Variants in ALDH1A2 observed in about 807,000 individuals in gnomAD.
ALDH1A2 encodes the protein aldehyde dehydrogenase 1 family member A2.
Under a neutral mutation model 60.3 loss-of-function variants are expected in ALDH1A2, and 27 were observed. The observed-to-expected ratio is 0.45, with a 90% CI of 0.33 to 0.62. The LOEUF is 0.62. Ranked by LOEUF, ALDH1A2 falls within the 20% of genes least tolerant of loss-of-function variation. ALDH1A2 has a pLI of 0.02. For synonymous variants in ALDH1A2, 289 were observed against 232.4 expected, an observed-to-expected ratio of 1.24 and a Z score of -2.21; for missense variants, 581 against 643.8, an observed-to-expected ratio of 0.90 and a Z score of 1.06.
chr15:58,036,441 A>G (rs1406572513), intron 1 of ALDH1A2, among the ~76,000 whole-genome samples: 1 of 151,680 alleles, frequency 6.6e-6, no homozygotes, highest in East Asian at 1.9e-4. Context: ...AATAGTCTAA[A>G]GAAATGTCTA....
chr15:58,056,781 G>A (rs1317910203), intron 1 of ALDH1A2, among the ~76,000 whole-genome samples: 2 of 151,950 alleles, frequency 1.3e-5, no homozygotes, highest in Non-Finnish European at 2.9e-5. Flanking sequence ...AACATGAAAC[G>A]ATGCTCAATC....
intron 1 of ALDH1A2, among the ~76,000 whole-genome samples, chr15:58,035,658 C>T (rs919021941): frequency 1.1e-4 from 16 of 151,648 alleles, no homozygotes; most frequent in African/African-American, 3.6e-4. Context: ...TTGAGACTTA[C>T]TCTTTAACTC....
Position 58,028,492 on chromosome 15 carries a change from A to C in ALDH1A2, c.118-14211T>G, listed in dbSNP as rs570290901. ...TCCATGCTATGAAGAAACTGCATCA[A>C]TTAACGGGCAAAATAACCAACTAAC... On this transcript the variant is annotated intron_variant, in intron 1 of 12. Transcript: ENST00000249750. 2.0e-5 allele frequency among the ~76,000 whole-genome samples: 3 copies of C among 152,370 alleles called. No homozygotes were observed. The East Asian group carries it at 5.8e-4, about 29-fold the overall frequency.
chr15:58,011,200 T>C (rs1413353137), intron 3 of ALDH1A2, among the ~76,000 whole-genome samples: 4 of 152,110 alleles, frequency 2.6e-5, no homozygotes, highest in African/African-American at 9.7e-5. Flanking sequence ...ATAGAAAGTG[T>C]TCTCCACAGC....
chr15:58,060,786 A>G (rs924006030), intron 1 of ALDH1A2, among the ~76,000 whole-genome samples: 1 of 152,218 alleles, frequency 6.6e-6, no homozygotes, highest in Non-Finnish European at 1.5e-5. Context: ...GACAGTCCAC[A>G]GTTTGCTGAC....
chr15:58,030,288 C>T (rs1381265375), intron 1 of ALDH1A2, among the ~76,000 whole-genome samples: 12 of 152,130 alleles, frequency 7.9e-5, no homozygotes. Flanking sequence ...AGGACAAAAA[C>T]CACATGATTA....
chr15:58,011,593 T>G (rs1379970078), intron 3 of ALDH1A2, among the ~76,000 whole-genome samples: 2 of 152,202 alleles, frequency 1.3e-5, no homozygotes, highest in African/African-American at 4.8e-5. Flanking sequence ...TTCCTACAAG[T>G]GTATTTTATA....
At chr15:58,003,331 C>G (rs1413584009) in intron 4 of ALDH1A2, among the ~76,000 whole-genome samples, 2 of 151,844 alleles carry the variant, frequency 1.3e-5, no homozygotes, top group Admixed American at 1.3e-4. Context: ...AACAAGAATA[C>G]TTCAGATTTC....
intron 1 of ALDH1A2, among the ~76,000 whole-genome samples, chr15:58,019,019 A>G (rs1895853172): frequency 6.6e-6 from 1 of 152,190 alleles, no homozygotes; most frequent in Non-Finnish European, 1.5e-5. Context: ...TATTTTGTCA[A>G]TGTTAATTTC....
chr15:57,984,292 G>A (rs906690627), intron 7 of ALDH1A2, among the ~76,000 whole-genome samples: 1 of 152,170 alleles, frequency 6.6e-6, no homozygotes, highest in Non-Finnish European at 1.5e-5. Flanking sequence ...CAAAGTAAGT[G>A]CTAAATCAAT....
rs756058906 is a variant in ALDH1A2, at chr15:57,995,081, G to A, written c.552C>T (p.Ile184=). ...HEPIGVCGQI[I]PWNFPLLMFA... ...AGGTGCGAGGAAATACACTCACTGG[G>A]ATGATCTGTCCACACACTCCAATGG... Residue 184 remains isoleucine (I), a synonymous_variant, in exon 5 of 13, where the codon ATC becomes ATT. Coordinates refer to ENST00000249750, the MANE Select transcript of ALDH1A2 (RefSeq NM_003888.4). 1.2e-6 allele frequency: 2 copies of A among 1,611,418 alleles called. No homozygotes were observed. Among genetic ancestry groups the A allele is most frequent in the Non-Finnish European group, 1.7e-6 (2 of 1,177,828 alleles).
At chr15:58,036,391 A>G (rs118181879) in intron 1 of ALDH1A2, among the ~76,000 whole-genome samples, 5,020 of 151,776 alleles carry the variant, frequency 0.033, 127 homozygotes, top group Middle Eastern at 0.078. Context: ...AACTTTTGGC[A>G]GCAACTATTA....
intron 4 of ALDH1A2, among the ~76,000 whole-genome samples, chr15:58,008,277 A>C (rs1380444074): frequency 6.6e-6 from 1 of 152,106 alleles, no homozygotes; most frequent in Non-Finnish European, 1.5e-5. Flanking sequence ...GTTTAAGAGA[A>C]TTCATCGTTT....
At chr15:58,027,743 G>A (rs757251309) in intron 1 of ALDH1A2, among the ~76,000 whole-genome samples, 2 of 151,986 alleles carry the variant, frequency 1.3e-5, no homozygotes, top group South Asian at 2.1e-4. Context: ...CCAGAACTTC[G>A]TAATGCACAT....
At chr15:58,019,986 C>A (rs1566950984) in intron 1 of ALDH1A2, among the ~76,000 whole-genome samples, 1 of 151,652 alleles carries the variant, frequency 6.6e-6, no homozygotes, top group South Asian at 2.1e-4. Context: ...CTCCGCCCAC[C>A]CCCTCCAACA....
intron 7 of ALDH1A2, among the ~76,000 whole-genome samples, chr15:57,987,881 CA>C (rs34307559): frequency 0.47 from 42,898 of 92,188 alleles, 6,979 homozygotes; most frequent in Middle Eastern, 0.53. Context: ...GCTGACCCCT[CA>C]AAAAAAAAAA....
intron 1 of ALDH1A2, among the ~76,000 whole-genome samples, chr15:58,023,752 A>G (rs777985513): frequency 6.6e-6 from 1 of 151,990 alleles, no homozygotes; most frequent in Non-Finnish European, 1.5e-5. Context: ...CCAGATAAGC[A>G]AAGACTGAAG....
At chr15:57,986,472 A>C (rs1894702208) in intron 7 of ALDH1A2, among the ~76,000 whole-genome samples, 1 of 151,994 alleles carries the variant, frequency 6.6e-6, no homozygotes, top group South Asian at 2.1e-4. Flanking sequence ...TTTAGGAAAA[A>C]AAAAGTTTGA....
At chr15:58,057,466 A>T (rs1019160895) in intron 1 of ALDH1A2, among the ~76,000 whole-genome samples, 1 of 152,204 alleles carries the variant, frequency 6.6e-6, no homozygotes, top group African/African-American at 2.4e-5. Context: ...TGGGGGCTTC[A>T]ATTTATTCCT....
Sources: allele counts gnomAD v4.1 joint callset (sites outside exome capture counted in the v4.1 genomes callset), GRCh38; gene constraint gnomAD v4.1.1; transcripts MANE v1.5; gene names NCBI Gene and HGNC (gene_info 2026-07-23, HGNC 2026-07-21).